Variants in PTPRN2 observed in about 807,000 individuals in gnomAD.
PTPRN2 encodes the protein receptor-type tyrosine-protein phosphatase N2.
In PTPRN2, 74 loss-of-function variants were observed where a neutral mutation model predicts 118.8. The observed-to-expected ratio is 0.62, with a 90% CI of 0.52 to 0.76. PTPRN2 has a LOEUF of 0.76. Among genes scored for constraint, PTPRN2 ranks in the 30% least tolerant of loss-of-function variants. PTPRN2 has a pLI of 0.00. For missense variants in PTPRN2, 1,481 were observed against 1,394.4 expected, an observed-to-expected ratio of 1.06 and a Z score of -0.99; for synonymous variants, 641 against 608.0, an observed-to-expected ratio of 1.05 and a Z score of -0.80.
intron 12 of PTPRN2, among the ~76,000 whole-genome samples, chr7:157,693,096 G>C (rs1443977759): frequency 1.3e-5 from 2 of 151,832 alleles, no homozygotes; most frequent in Non-Finnish European, 2.9e-5. Flanking sequence ...GGCCGGAGAC[G>C]GCGGGAGGAG....
At chr7:158,273,287 C>A (rs1798636879) in intron 3 of PTPRN2, among the ~76,000 whole-genome samples, 1 of 152,226 alleles carries the variant, frequency 6.6e-6, no homozygotes, top group South Asian at 2.1e-4. Flanking sequence ...CCAGTGAGCA[C>A]CCACCGCAAG....
At chr7:158,306,396 G>A (rs1801287515) in intron 3 of PTPRN2, among the ~76,000 whole-genome samples, 1 of 152,146 alleles carries the variant, frequency 6.6e-6, no homozygotes. Flanking sequence ...AGAGGCTCTG[G>A]GCCAGCATGA....
rs11977642 is a variant in PTPRN2 at position 158,331,469 on chromosome 7, C to T, written c.164-14537G>A. ...CACCATAAGAGCTGACACCCGCAGA[C>T]GTCACTCACACCCACACTCTCACCA... On this transcript the variant is annotated intron_variant, in intron 2 of 22. Coordinates refer to ENST00000389418, the MANE Select transcript of PTPRN2 (RefSeq NM_002847.5). Among the ~76,000 whole-genome samples, 397 of 147,940 alleles carry T rather than the reference C, an allele frequency of 2.7e-3. 5 individuals carry two copies. Among genetic ancestry groups the T allele is most frequent in the African/African-American group, 9.7e-3 (376 of 38,900 alleles).
intron 2 of PTPRN2, among the ~76,000 whole-genome samples, chr7:158,391,080 C>T (rs571162420): frequency 2.0e-5 from 3 of 152,198 alleles, no homozygotes; most frequent in Non-Finnish European, 4.4e-5. Flanking sequence ...TTCCCTCTTG[C>T]GACGGTTGTA....
chr7:157,669,041 G>A (rs1300647321), intron 13 of PTPRN2, among the ~76,000 whole-genome samples: 1 of 152,228 alleles, frequency 6.6e-6, no homozygotes, highest in Non-Finnish European at 1.5e-5. Context: ...AGTAACCAAT[G>A]ATTTCGTTGA....
At chr7:158,244,611 A>C (rs1796082443) in intron 3 of PTPRN2, among the ~76,000 whole-genome samples, 1 of 151,826 alleles carries the variant, frequency 6.6e-6, no homozygotes, top group South Asian at 2.1e-4. Context: ...TGTGTGTACA[A>C]GCTATGTATG....
chr7:158,583,181 AAAACAAACCCAG>A (rs895238046), intron 1 of PTPRN2, among the ~76,000 whole-genome samples: 2 of 152,226 alleles, frequency 1.3e-5, no homozygotes, highest in African/African-American at 4.8e-5. Context: ...ACACTAGGAC[AAAACAAACCCAG>A]AATGCAGAAA....
intron 12 of PTPRN2, among the ~76,000 whole-genome samples, chr7:157,788,714 C>T (rs1401218325): frequency 1.3e-5 from 2 of 152,310 alleles, no homozygotes; most frequent in East Asian, 1.9e-4. Flanking sequence ...AACTGCCATG[C>T]AGGAGGCCTC....
In PTPRN2 at chr7:158,386,751, C is replaced by T. The variant is rs949228771; in HGVS notation, c.164-69819G>A. Among the ~76,000 whole-genome samples the T allele has an allele frequency of 2.0e-5, 3 of 152,224 alleles. No homozygotes were observed. In the East Asian group the frequency reaches 5.8e-4, roughly 29 times the overall value. On this transcript the variant is annotated intron_variant, in intron 2 of 22. Coordinates refer to ENST00000389418, the MANE Select transcript of PTPRN2 (RefSeq NM_002847.5). ...AGTTCAGGCAACAAAAAACAGAAAG[C>T]CCAGCCCTTCACAGGCTCCTACTGC... is the stretch of plus-strand genomic sequence containing the variant.
chr7:158,331,774 G>A (rs1399947431), intron 2 of PTPRN2, among the ~76,000 whole-genome samples: 2 of 151,054 alleles, frequency 1.3e-5, no homozygotes, highest in African/African-American at 2.5e-5. Context: ...CTCACCATAA[G>A]AGCTGTCACG....
intron 10 of PTPRN2, among the ~76,000 whole-genome samples, chr7:158,090,974 C>T (rs762053349): frequency 5.3e-5 from 8 of 152,176 alleles, no homozygotes; most frequent in Non-Finnish European, 1.0e-4. Context: ...TGTTCTTAGA[C>T]CAACCGTCCG....
chr7:158,306,811 G>A (rs942381104), intron 3 of PTPRN2, among the ~76,000 whole-genome samples: 1 of 150,800 alleles, frequency 6.6e-6, no homozygotes, highest in Non-Finnish European at 1.5e-5. Flanking sequence ...TCTTGGGGAA[G>A]CCAAATGGCT....
At chr7:157,791,463 A>AGAG (rs1804488368) in intron 12 of PTPRN2, among the ~76,000 whole-genome samples, 1 of 152,148 alleles carries the variant, frequency 6.6e-6, no homozygotes, top group African/African-American at 2.4e-5. Context: ...AGGCGGATGC[A>AGAG]TGTATGTGCC....
chr7:158,332,031 A>T lies in PTPRN2; in HGVS notation c.164-15099T>A, dbSNP rs1218134731. On this transcript the variant is annotated intron_variant, in intron 2 of 22. Transcript: ENST00000389418. ...GCTGACAACCGCAAACGTCACTGAC[A>T]CCCACACTCTAACGATAAGAGGTGA... Among the ~76,000 whole-genome samples, 213 of 151,088 alleles carry T rather than the reference A, an allele frequency of 1.4e-3. 3 individuals are homozygous for T. Among genetic ancestry groups the T allele is most frequent in the Non-Finnish European group, 2.2e-3 (149 of 67,962 alleles).
At chr7:157,847,103 C>T (rs1226026834) in intron 12 of PTPRN2, among the ~76,000 whole-genome samples, 2 of 141,916 alleles carry the variant, frequency 1.4e-5, no homozygotes, top group Non-Finnish European at 3.0e-5. Context: ...CTCTCTGACT[C>T]CATCATGTGT....
At chr7:157,848,691 A>T (rs1182658249) in intron 12 of PTPRN2, among the ~76,000 whole-genome samples, 1 of 152,230 alleles carries the variant, frequency 6.6e-6, no homozygotes, top group Non-Finnish European at 1.5e-5. Context: ...GCGGGATCCC[A>T]TGAAGGTTCT....
intron 9 of PTPRN2, among the ~76,000 whole-genome samples, chr7:158,129,214 C>G (rs1377169784): frequency 6.7e-6 from 1 of 148,268 alleles, no homozygotes; most frequent in African/African-American, 2.5e-5. Context: ...ACAGATAAGC[C>G]ACACAGCACA....
intron 11 of PTPRN2, among the ~76,000 whole-genome samples, chr7:158,065,342 T>G (rs1810681816): frequency 6.6e-6 from 1 of 152,188 alleles, no homozygotes; most frequent in African/African-American, 2.4e-5. Flanking sequence ...ACCAAGGACA[T>G]AAGATCATGG....
intron 3 of PTPRN2, among the ~76,000 whole-genome samples, chr7:158,249,945 G>A (rs1174294847): frequency 2.6e-5 from 4 of 152,118 alleles, no homozygotes; most frequent in Non-Finnish European, 5.9e-5. Context: ...TAATGCAAGT[G>A]AGAGAACACG....
Sources: gnomAD v4.1 joint callset for allele counts (sites outside exome capture counted in the v4.1 genomes callset) on GRCh38, gnomAD v4.1.1 for gene constraint, MANE v1.5 for transcripts, NCBI Gene and HGNC (gene_info 2026-07-23, HGNC 2026-07-21) for gene names.